Variants in SMC5 observed in about 807,000 individuals in gnomAD.
The protein encoded by SMC5 is structural maintenance of chromosomes protein 5.
A neutral mutation model predicts 148.3 loss-of-function variants in SMC5; 88 were observed. The observed-to-expected ratio is 0.59, with a 90% CI of 0.50 to 0.71. The LOEUF is 0.71. Among genes scored for constraint, SMC5 ranks in the 30% least tolerant of loss-of-function variants. The pLI is 0.00. For synonymous variants in SMC5, 421 were observed against 432.8 expected (o/e 0.97, Z 0.34); for missense variants, 1,142 against 1,298.9 (o/e 0.88, Z 1.86).
chr9:70,287,149 A>G (rs531545377), intron 8 of SMC5, among the ~76,000 whole-genome samples: 188 of 152,340 alleles, frequency 1.2e-3, no homozygotes, highest in South Asian at 7.0e-3. Flanking sequence ...TTTATTGCTA[A>G]GGAAAAATCT....
chr9:70,341,594 GTATC>G (rs1170835373), intron 17 of SMC5, among the ~76,000 whole-genome samples: 2 of 152,166 alleles, frequency 1.3e-5, no homozygotes, highest in African/African-American at 2.4e-5. Context: ...GTTTGGTCCA[GTATC>G]TATCCTTTCA....
chr9:70,351,594 AAAATTGTGGAGGACAT>A (rs2036805263), intron 24 of SMC5, among the ~76,000 whole-genome samples: 2 of 152,114 alleles, frequency 1.3e-5, no homozygotes, highest in Non-Finnish European at 2.9e-5. Flanking sequence ...CTACCCTAGG[AAAATTGTGGAGGACAT>A]ACTCTTTTCC....
At chr9:70,296,690 TAAAG>T (rs2118366401) in intron 8 of SMC5, among the ~76,000 whole-genome samples, 1 of 152,298 alleles carries the variant, frequency 6.6e-6, no homozygotes, top group South Asian at 2.1e-4. Context: ...GACTTGGAAA[TAAAG>T]CTGGCTAAAA....
intron 17 of SMC5, among the ~76,000 whole-genome samples, chr9:70,331,479 G>T (rs2036218872): frequency 6.6e-6 from 1 of 151,134 alleles, no homozygotes; most frequent in Non-Finnish European, 1.5e-5. Context: ...ATGTTTTTAG[G>T]TTTGATAGTG....
chr9:70,337,851 AT>A (rs34041276), intron 17 of SMC5, among the ~76,000 whole-genome samples: 11,619 of 147,970 alleles, frequency 0.079, 591 homozygotes, highest in East Asian at 0.22. Context: ...TGAATTACTA[AT>A]TTTTTTTTTT....
At chr9:70,277,201 A>T (rs761551180) in intron 3 of SMC5, 109 bp from the exon 4 acceptor site, 48 of 863,664 alleles carry the variant, frequency 5.6e-5, no homozygotes, top group Non-Finnish European at 6.9e-5. Context: ...TAAAAATCAT[A>T]ATAATAATTC....
chr9:70,319,954 G>A (rs1461526331), intron 15 of SMC5, among the ~76,000 whole-genome samples: 1 of 152,194 alleles, frequency 6.6e-6, no homozygotes, highest in Non-Finnish European at 1.5e-5. Flanking sequence ...TCATTTGAAA[G>A]TTTGAACTTT....
intron 18 of SMC5, chr9:70,344,570 T>C (rs2036616281): frequency 6.5e-6 from 1 of 154,440 alleles, no homozygotes. Context: ...AAATAATAAA[T>C]AGAATATTTT....
rs1423940257 is a variant in SMC5 at position 70,264,446 on chromosome 9, G to A, written c.327+1G>A. On this transcript the variant is annotated splice_donor_variant, in intron 2 of 24. Coordinates refer to ENST00000361138, the MANE Select transcript of SMC5 (RefSeq NM_015110.4). LOFTEE classifies it high-confidence loss of function. ...TGCTTTCATGGGACGAGCAGATAAG[G>A]TGAGTTAATATAATTACTTTTTAAG... The A allele has an allele frequency of 2.5e-5, 41 of 1,612,350 alleles. No homozygotes were observed. The highest frequency in any genetic ancestry group is 3.4e-5 in the Non-Finnish European group (40 of 1,179,446).
intron 24 of SMC5, among the ~76,000 whole-genome samples, 183 bp from the exon 25 acceptor site, chr9:70,352,008 G>T (rs2036815584): frequency 6.6e-6 from 1 of 152,154 alleles, no homozygotes; most frequent in Non-Finnish European, 1.5e-5. Flanking sequence ...TTGAATCTGG[G>T]TGGTGGAGGT....
chr9:70,340,407 TA>T (rs2036487804), intron 17 of SMC5, among the ~76,000 whole-genome samples: 1 of 152,068 alleles, frequency 6.6e-6, no homozygotes, highest in African/African-American at 2.4e-5. Context: ...TCTTGTGTAT[TA>T]AAAGTTAAGA....
At chr9:70,348,648 G>T (rs2036728482) in intron 22 of SMC5, among the ~76,000 whole-genome samples, 1 of 151,582 alleles carries the variant, frequency 6.6e-6, no homozygotes, top group African/African-American at 2.4e-5. Flanking sequence ...CCAAAATGGT[G>T]CCACTGCACT....
chr9:70,299,917 T>A (rs1166083794), intron 9 of SMC5, 129 bp from the exon 10 acceptor site: 1 of 678,036 alleles, frequency 1.5e-6, no homozygotes, highest in South Asian at 3.0e-5. Flanking sequence ...TATTTTCCAC[T>A]ATGGGAGTTA....
chr9:70,310,707 C>G (rs1260060955), intron 11 of SMC5, among the ~76,000 whole-genome samples: 1 of 152,208 alleles, frequency 6.6e-6, no homozygotes, highest in Non-Finnish European at 1.5e-5. Context: ...GCATTCTTTT[C>G]CAATAGAAGG....
chr9:70,350,597 A>G (rs554503053), intron 24 of SMC5, 126 bp downstream of exon 24: 49 of 574,702 alleles, frequency 8.5e-5, no homozygotes, highest in African/African-American at 8.1e-4. Flanking sequence ...TAAAAGGTTA[A>G]CAGTAATATT....
In SMC5 at chr9:70,318,939, A is replaced by G; in HGVS notation, c.2126A>G (p.Gln709Arg). ...ERKTKKRQLE[Q>R]KISSKLGSLK... Reference sequence around the variant, plus strand: ...AAAACCAAGAAAAGACAACTGGAACAAAAAATCAGTTCCAAACTAGGAAGG... The same window carrying G: ...AAAACCAAGAAAAGACAACTGGAACGAAAAATCAGTTCCAAACTAGGAAGG... The change falls in exon 15 of 25, where the codon CAA becomes CGA. Residue 709 changes from glutamine (Q) to arginine (R), a missense_variant. Gln to Arg is a conservative substitution (Grantham distance 43). Transcript: ENST00000361138. 5 of 1,608,408 alleles carry G rather than the reference A, an allele frequency of 3.1e-6. No homozygotes were observed. The highest frequency in any genetic ancestry group is 4.2e-6 in the Non-Finnish European group (5 of 1,178,236).
At chr9:70,266,651 G>C in intron 2 of SMC5, among the ~76,000 whole-genome samples, 1 of 152,152 alleles carries the variant, frequency 6.6e-6, no homozygotes, top group East Asian at 1.9e-4. Flanking sequence ...ACAGATTGCA[G>C]CCCTTTGGGT....
At chr9:70,275,555 C>T (rs113686825) in intron 3 of SMC5, among the ~76,000 whole-genome samples, 1 of 152,000 alleles carries the variant, frequency 6.6e-6, no homozygotes, top group Non-Finnish European at 1.5e-5. Flanking sequence ...AGTAATCATT[C>T]TCTTTTTCTC....
At chr9:70,292,906 G>T (rs1328024987) in intron 8 of SMC5, among the ~76,000 whole-genome samples, 1 of 152,038 alleles carries the variant, frequency 6.6e-6, no homozygotes, top group Non-Finnish European at 1.5e-5. Context: ...GCTGAATTCT[G>T]TGTTAAAGGA....
Sources: allele counts gnomAD v4.1 joint callset (sites outside exome capture counted in the v4.1 genomes callset), GRCh38; gene constraint gnomAD v4.1.1; transcripts MANE v1.5; gene names NCBI Gene and HGNC (gene_info 2026-07-23, HGNC 2026-07-21).